The following GPR107 variants were observed in gnomAD, a reference collection of about 807,000 sequenced individuals.
The protein encoded by GPR107 is G protein-coupled receptor 107.
In GPR107, 31 loss-of-function variants were observed where a neutral mutation model predicts 75.5. The observed-to-expected ratio is 0.41, with a 90% CI of 0.31 to 0.55. GPR107 has a LOEUF of 0.55. Among genes scored for constraint, GPR107 ranks in the 20% least tolerant of loss-of-function variants. The pLI is 0.26. For missense variants in GPR107, 572 were observed against 665.7 expected, an observed-to-expected ratio of 0.86 and a Z score of 1.55; for synonymous variants, 267 against 251.3, an observed-to-expected ratio of 1.06 and a Z score of -0.59.
chr9:130,137,522 G>A lies in GPR107; in HGVS notation c.*2401G>A, dbSNP rs1588091928. The A allele has an allele frequency of 6.6e-6, 1 of 152,376 alleles. No individual in the cohort carries two copies. Among genetic ancestry groups the A allele is most frequent in the Admixed American group, 6.5e-5 (1 of 15,302 alleles). The allele number at this position is 152,376 out of a possible 1,614,324, so 9.4% of individuals were successfully genotyped here. A position where few individuals can be genotyped will look rare whatever the true frequency, so the allele number is the denominator to read the frequency against. On this transcript the variant is annotated 3_prime_UTR_variant, in exon 18 of 18. Coordinates refer to ENST00000347136, the MANE Select transcript of GPR107 (RefSeq NM_020960.5). ...CATGTCTGTATTGTAACTGGTAAAA[G>A]GCTTCAAGTCAGATTGATGATCAAG... is the stretch of plus-strand genomic sequence containing the variant.
chr9:130,104,647 C>A, intron 13 of GPR107, 97 bp downstream of exon 13: 1 of 1,011,864 alleles, frequency 9.9e-7, no homozygotes, highest in Non-Finnish European at 1.5e-6. Context: ...TCACATGGGA[C>A]GTGTGTTTAA....
intron 14 of GPR107, chr9:130,114,730 C>CG (rs1831382606): frequency 9.9e-7 from 1 of 1,010,590 alleles, no homozygotes. Context: ...TCATACTAAC[C>CG]GAAAAACTTG....
intron 5 of GPR107, among the ~76,000 whole-genome samples, 153 bp downstream of exon 5, chr9:130,079,922 A>T (rs1396479790): frequency 6.6e-5 from 10 of 152,252 alleles, no homozygotes. Context: ...TTAAAGAAAA[A>T]TGTGGAAAAT....
intron 14 of GPR107, among the ~76,000 whole-genome samples, chr9:130,121,740 C>A (rs1831553431): frequency 6.6e-6 from 1 of 152,198 alleles, no homozygotes. Context: ...GGCTTGGGAG[C>A]CCATGCTTAC....
intron 1 of GPR107, among the ~76,000 whole-genome samples, chr9:130,070,064 C>T (rs1039355910): frequency 5.1e-5 from 7 of 137,046 alleles, no homozygotes; most frequent in Admixed American, 1.6e-4. Context: ...AGTGCAGTGG[C>T]ATGATCTTGG....
At chr9:130,059,676 A>T (rs1286407192) in intron 1 of GPR107, among the ~76,000 whole-genome samples, 1 of 152,104 alleles carries the variant, frequency 6.6e-6, no homozygotes, top group East Asian at 1.9e-4. Flanking sequence ...TGGATTGAAA[A>T]AGTTTTGAAA....
At position 130,066,156 on chromosome 9, in the gene GPR107, GGGTGTGGT is replaced by G. The variant is rs138980238; in HGVS notation, c.142-9473_142-9466del. ...CTCTACTAAAAATACAAATTTATCT[GGGTGTGGT>G]GGTGTGCACCTGTAATCCCAGCTAC... On this transcript the variant is annotated intron_variant, in intron 1 of 17. Coordinates refer to ENST00000347136, the MANE Select transcript of GPR107 (RefSeq NM_020960.5). 5.1e-3 allele frequency among the ~76,000 whole-genome samples: 775 copies of G among 152,022 alleles called. 7 individuals are homozygous for G. Among genetic ancestry groups the G allele is most frequent in the African/African-American group, 0.018 (740 of 41,462 alleles).
chr9:130,131,589 C>G (rs1356608798), intron 17 of GPR107, among the ~76,000 whole-genome samples: 1 of 151,976 alleles, frequency 6.6e-6, no homozygotes, highest in Non-Finnish European at 1.5e-5. Flanking sequence ...CTCCTGAATG[C>G]CAGGTCCCCC....
Position 130,086,475 on chromosome 9 carries a change from A to G in GPR107, c.620A>G (p.Gln207Arg). 1 of 1,517,898 alleles carries G rather than the reference A, an allele frequency of 6.6e-7. No individual in the cohort carries two copies. The highest frequency in any genetic ancestry group is 9.2e-7 in the Non-Finnish European group (1 of 1,092,356). 94.0% of individuals were successfully genotyped at this position (1,517,898 alleles called of 1,614,324 possible). The change falls in exon 7 of 18, where the codon CAG becomes CGG. Residue 207 changes from glutamine (Q) to arginine (R), a missense_variant and splice_region_variant. Gln to Arg is a conservative substitution (Grantham distance 43). Coordinates refer to ENST00000347136, the MANE Select transcript of GPR107 (RefSeq NM_020960.5). The stretch of plus-strand genomic sequence containing the variant: ...AATAATGGTGGGGCAGTGTCATTTC[A>G]GGTATGTATGCTCTTTGTGTAAAGC... ...VHNNGGAVSF[Q>R]FFFNISTDDQ...
At chr9:130,083,533 C>T in intron 5 of GPR107, 32 bp from the exon 6 acceptor site, 1 of 1,437,838 alleles carries the variant, frequency 7.0e-7, no homozygotes, top group South Asian at 1.4e-5. Flanking sequence ...TTGAGTCATG[C>T]AGCACTCTCT....
At chr9:130,117,493 G>A (rs1045832952) in intron 14 of GPR107, among the ~76,000 whole-genome samples, 1 of 152,074 alleles carries the variant, frequency 6.6e-6, no homozygotes, top group Non-Finnish European at 1.5e-5. Context: ...TGCGTCCTTT[G>A]GTGCCTTTCT....
At chr9:130,084,912 C>G (rs925860505) in intron 6 of GPR107, among the ~76,000 whole-genome samples, 1 of 152,132 alleles carries the variant, frequency 6.6e-6, no homozygotes. Flanking sequence ...GGGGCTGAGT[C>G]TGGAGTTTGT....
chr9:130,082,261 G>A (rs1007032199), intron 5 of GPR107, among the ~76,000 whole-genome samples: 4 of 152,054 alleles, frequency 2.6e-5, no homozygotes, highest in African/African-American at 4.8e-5. Flanking sequence ...AAACTATGTC[G>A]TTCAGTCTGT....
At chr9:130,102,980 C>T (rs903574282) in intron 12 of GPR107, among the ~76,000 whole-genome samples, 2 of 151,422 alleles carry the variant, frequency 1.3e-5, no homozygotes, top group Admixed American at 1.3e-4. Context: ...AATTAGAGGC[C>T]GTGTCTCACT....
At chr9:130,092,852 C>G (rs1458438638) in intron 9 of GPR107, among the ~76,000 whole-genome samples, 4 of 152,108 alleles carry the variant, frequency 2.6e-5, no homozygotes, top group Non-Finnish European at 1.5e-5. Context: ...ATCTCCTGAC[C>G]TCATGATCTG....
At chr9:130,119,151 A>G (rs1338122722) in intron 14 of GPR107, among the ~76,000 whole-genome samples, 1 of 152,156 alleles carries the variant, frequency 6.6e-6, no homozygotes, top group Non-Finnish European at 1.5e-5. Flanking sequence ...CCAGGCTGCG[A>G]CCTGCTGCCT....
chr9:130,090,843 G>A, intron 7 of GPR107, 33 bp from the exon 8 acceptor site: 1 of 773,728 alleles, frequency 1.3e-6, no homozygotes. Context: ...TGAGGATTTG[G>A]GTACCTTTAA....
chr9:130,065,311 C>T (rs1274472408), intron 1 of GPR107, among the ~76,000 whole-genome samples: 2 of 151,564 alleles, frequency 1.3e-5, no homozygotes, highest in African/African-American at 4.9e-5. Flanking sequence ...ATTAGCTGGG[C>T]GTGGATCCCC....
At chr9:130,061,106 C>T (rs1829916161) in intron 1 of GPR107, among the ~76,000 whole-genome samples, 1 of 152,288 alleles carries the variant, frequency 6.6e-6, no homozygotes, top group South Asian at 2.1e-4. Flanking sequence ...CTTACTCATT[C>T]AACAAATACT....
Sources: gnomAD v4.1 joint callset for allele counts (sites outside exome capture counted in the v4.1 genomes callset) on GRCh38, gnomAD v4.1.1 for gene constraint, MANE v1.5 for transcripts, NCBI Gene and HGNC (gene_info 2026-07-23, HGNC 2026-07-21) for gene names.